Variants in HTR1F observed in about 807,000 individuals in gnomAD.
HTR1F encodes the protein 5-hydroxytryptamine receptor 1F.
HTR1F carries 17 observed loss-of-function variants against 24.0 expected under a neutral mutation model. That is an observed-to-expected ratio of 0.71 (90% CI 0.48 to 1.06). The LOEUF (loss-of-function observed/expected upper bound fraction) is 1.06. Among genes scored for constraint, HTR1F ranks in the 50% least tolerant of loss-of-function variants. The pLI is 0.00. For missense variants in HTR1F, 391 were observed against 427.8 expected (o/e 0.91, Z 0.76); for synonymous variants, 186 against 156.8 (o/e 1.19, Z -1.39).
At chr3:87,855,745 T>C (rs1705184830) in intron 2 of HTR1F, among the ~76,000 whole-genome samples, 1 of 152,056 alleles carries the variant, frequency 6.6e-6, no homozygotes, top group African/African-American at 2.4e-5. Flanking sequence ...TTGTGCATCA[T>C]TCTGAGTAGC....
At chr3:87,891,485 C>A (rs1466173919) in intron 2 of HTR1F, among the ~76,000 whole-genome samples, 1 of 152,140 alleles carries the variant, frequency 6.6e-6, no homozygotes, top group African/African-American at 2.4e-5. Flanking sequence ...AAACACCTAA[C>A]AAGAATGATT....
Position 87,850,158 on chromosome 3 carries a change from C to A in HTR1F, c.-43+28034C>A, listed in dbSNP as rs113312850. On this transcript the variant is annotated intron_variant, in intron 2 of 2. Coordinates refer to ENST00000319595, the MANE Select transcript of HTR1F (RefSeq NM_001322209.2). ...ATGCTGCTATAAAGACACATGCACA[C>A]GTAAGTTTATTGAGGCACTATTCAC... is the stretch of plus-strand genomic sequence containing the variant. Among the ~76,000 whole-genome samples, 20 of 152,000 alleles carry A rather than the reference C, an allele frequency of 1.3e-4. 1 individual carries two copies. Among genetic ancestry groups the A allele is most frequent in the African/African-American group, 4.8e-4 (20 of 41,322 alleles).
chr3:87,856,876 C>A (rs574279947), intron 2 of HTR1F, among the ~76,000 whole-genome samples: 1 of 152,054 alleles, frequency 6.6e-6, no homozygotes, highest in South Asian at 2.1e-4. Flanking sequence ...TGTAGAGCCC[C>A]ACATTAAATG....
In HTR1F at chr3:87,993,312, C is replaced by A. The variant is rs1705876282; in HGVS notation, c.*1462C>A. The stretch of plus-strand genomic sequence containing the variant: ...TCCCATTTTATACAAGGCATTGAGA[C>A]ATATACTAGATAGAAGATATACGAA... On this transcript the variant is annotated 3_prime_UTR_variant, in exon 3 of 3. Transcript: ENST00000319595. 1.2e-5 allele frequency: 2 copies of A among 165,694 alleles called. No homozygotes were observed. Among genetic ancestry groups the A allele is most frequent in the Admixed American group, 1.3e-4 (2 of 14,940 alleles). 10.3% of individuals were successfully genotyped at this position (165,694 alleles called of 1,614,324 possible).
intron 2 of HTR1F, among the ~76,000 whole-genome samples, chr3:87,884,980 A>G (rs1350397624): frequency 6.6e-6 from 1 of 152,214 alleles, no homozygotes; most frequent in African/African-American, 2.4e-5. Context: ...TCAGCTCTGC[A>G]TCAAGCAGAC....
intron 2 of HTR1F, among the ~76,000 whole-genome samples, chr3:87,844,841 A>G (rs1184046040): frequency 6.7e-6 from 1 of 150,044 alleles, no homozygotes; most frequent in Non-Finnish European, 1.5e-5. Context: ...ATAGTTGTAG[A>G]TATGCGGCGT....
intron 2 of HTR1F, among the ~76,000 whole-genome samples, chr3:87,824,998 T>C (rs764113004): frequency 9.2e-5 from 14 of 152,216 alleles, no homozygotes; most frequent in Non-Finnish European, 1.9e-4. Flanking sequence ...AAAAATGATA[T>C]TCAGACTTGA....
At chr3:87,895,388 G>T (rs1309712972) in intron 2 of HTR1F, among the ~76,000 whole-genome samples, 1 of 151,968 alleles carries the variant, frequency 6.6e-6, no homozygotes, top group Admixed American at 6.6e-5. Context: ...ATGAAAAGAT[G>T]CTCATATACC....
chr3:87,957,811 G>A (rs1261860509), intron 2 of HTR1F, among the ~76,000 whole-genome samples: 2 of 151,270 alleles, frequency 1.3e-5, no homozygotes, highest in African/African-American at 4.8e-5. Context: ...CTGATTAAAA[G>A]TAATTAAAAT....
At chr3:87,827,026 G>C (rs540067394) in intron 2 of HTR1F, among the ~76,000 whole-genome samples, 41 of 152,106 alleles carry the variant, frequency 2.7e-4, no homozygotes, top group African/African-American at 9.6e-4. Context: ...GCCCAGGCTG[G>C]TCTCAAACTC....
intron 2 of HTR1F, among the ~76,000 whole-genome samples, chr3:87,832,945 AC>A (rs1704613194): frequency 1.3e-5 from 2 of 152,328 alleles, no homozygotes; most frequent in South Asian, 4.1e-4. Flanking sequence ...TTGTATTCAG[AC>A]TGGTGTAACA....
chr3:87,863,966 T>G (rs142995089), intron 2 of HTR1F, among the ~76,000 whole-genome samples: 1 of 152,206 alleles, frequency 6.6e-6, no homozygotes, highest in Non-Finnish European at 1.5e-5. Flanking sequence ...TCTTTTCTAA[T>G]GTCTAGAAGC....
intron 2 of HTR1F, among the ~76,000 whole-genome samples, chr3:87,950,715 C>G (rs1704815341): frequency 1.3e-5 from 2 of 152,096 alleles, no homozygotes; most frequent in African/African-American, 4.8e-5. Flanking sequence ...TTACTGCAAA[C>G]AAAACAAAAT....
chr3:87,976,584 A>G (rs1705398807), intron 2 of HTR1F, among the ~76,000 whole-genome samples: 2 of 152,220 alleles, frequency 1.3e-5, no homozygotes, highest in African/African-American at 2.4e-5. Flanking sequence ...ATAAGTTTTA[A>G]CACACCCTAA....
chr3:87,810,031 T>C (rs566150261), intron 1 of HTR1F, among the ~76,000 whole-genome samples: 1 of 152,278 alleles, frequency 6.6e-6, no homozygotes, highest in South Asian at 2.1e-4. Flanking sequence ...AGGTTCCATT[T>C]TACCTGATCA....
chr3:87,884,184 A>C (rs1387408025), intron 2 of HTR1F, among the ~76,000 whole-genome samples: 3 of 152,190 alleles, frequency 2.0e-5, no homozygotes, highest in African/African-American at 7.2e-5. Context: ...AGTGGGGGCC[A>C]ATACTCAACA....
intron 1 of HTR1F, among the ~76,000 whole-genome samples, chr3:87,817,720 A>C (rs1704276504): frequency 6.6e-6 from 1 of 152,196 alleles, no homozygotes; most frequent in Admixed American, 6.5e-5. Flanking sequence ...CCTTTACTCC[A>C]AGTGACATAA....
At chr3:87,947,128 A>T (rs1184503872) in intron 2 of HTR1F, among the ~76,000 whole-genome samples, 1 of 152,184 alleles carries the variant, frequency 6.6e-6, no homozygotes, top group Non-Finnish European at 1.5e-5. Context: ...AACATTTTAA[A>T]CTCAGCAATT....
intron 2 of HTR1F, among the ~76,000 whole-genome samples, chr3:87,938,479 A>G (rs2107431482): frequency 6.6e-6 from 1 of 152,294 alleles, no homozygotes; most frequent in East Asian, 1.9e-4. Context: ...CTTAATAGCC[A>G]AGAGAATCCT....
Sources: gnomAD v4.1 joint callset for allele counts (sites outside exome capture counted in the v4.1 genomes callset) on GRCh38, gnomAD v4.1.1 for gene constraint, MANE v1.5 for transcripts, NCBI Gene and HGNC (gene_info 2026-07-23, HGNC 2026-07-21) for gene names.